Variants in TDRD1 observed in about 807,000 individuals in gnomAD.
TDRD1 encodes the protein tudor domain containing 1, also known as tudor domain-containing protein 1.
In TDRD1, 37 loss-of-function variants were observed where a neutral mutation model predicts 140.6. The observed-to-expected ratio is 0.26, with a 90% confidence interval of 0.20 to 0.35. TDRD1 has a LOEUF of 0.35. TDRD1 is among the 10% of genes least tolerant of loss of function. The pLI is 1.00. For missense variants in TDRD1, 1,243 were observed against 1,393.0 expected (o/e 0.89, Z 1.71); for synonymous variants, 506 against 475.7 (o/e 1.06, Z -0.83).
exon 9 of TDRD1, chr10:114,204,210 T>C (rs781647157): frequency 6.3e-7 from 1 of 1,584,008 alleles, no homozygotes; most frequent in South Asian, 1.2e-5. Context: ...ACTTGTTTCC[T>C]CCTTGTGTGA....
downstream of TDRD1, among the ~76,000 whole-genome samples, chr10:114,232,611 T>G (rs987606466): frequency 6.6e-6 from 1 of 151,742 alleles, no homozygotes; most frequent in Non-Finnish European, 1.5e-5. Flanking sequence ...ACTGATGTGC[T>G]TCTGTTAGAT....
intron 2 of TDRD1, among the ~76,000 whole-genome samples, chr10:114,189,438 T>A (rs1000222188): frequency 6.6e-6 from 1 of 152,192 alleles, no homozygotes; most frequent in African/African-American, 2.4e-5. Flanking sequence ...GTGAGCCCTT[T>A]ACTTCAAGGA....
intron 11 of TDRD1, among the ~76,000 whole-genome samples, chr10:114,206,628 T>A (rs960328071): frequency 1.4e-3 from 217 of 150,952 alleles, no homozygotes; most frequent in African/African-American, 5.0e-3. Flanking sequence ...TTTTTTTTTT[T>A]TTGAGATGGA....
chr10:114,214,990 C>T (rs1243748998), intron 16 of TDRD1, among the ~76,000 whole-genome samples: 1 of 152,152 alleles, frequency 6.6e-6, no homozygotes, highest in Non-Finnish European at 1.5e-5. Context: ...AATCCACCTG[C>T]CTCGGCCTCC....
At chr10:114,191,145 A>G in intron 3 of TDRD1, 126 bp downstream of exon 3, 1 of 1,080,890 alleles carries the variant, frequency 9.3e-7, no homozygotes. Flanking sequence ...TTTTATGTAC[A>G]TTTTTAAAAA....
In TDRD1 at chr10:114,182,690, C is replaced by A. The variant is rs374384323; in HGVS notation, c.-7+3274C>A. On this transcript the variant is annotated intron_variant, in intron 1 of 25. Transcript: ENST00000251864. ...AAAATAGTTTTTATCATACGAATAT[C>A]TTTTTTTTTTTTTTTGAGACAGTCT... Among the ~76,000 whole-genome samples the A allele has an allele frequency of 3.9e-4, 56 of 144,626 alleles. No homozygotes were observed. In the East Asian group the frequency reaches 0.011, roughly 29 times the overall value. 94.9% of individuals were successfully genotyped at this position (144,626 alleles called of 152,430 possible).
At chr10:114,188,888 A>C (rs978269129) in intron 2 of TDRD1, among the ~76,000 whole-genome samples, 10 of 152,072 alleles carry the variant, frequency 6.6e-5, no homozygotes, top group Admixed American at 6.5e-4. Context: ...AAAAAAAAAA[A>C]AAAAAAACCT....
rs1227320985 is a variant in TDRD1 at position 114,222,523 on chromosome 10, T to A, written c.2891-64T>A. On this transcript the variant is annotated intron_variant, in intron 20 of 25. Transcript: ENST00000251864. ...TGGATTGATTAGACTTGCCATTCTT[T>A]TGTATAGTGTTAATAGTAGCACTGG... 3 of 868,324 alleles carry A rather than the reference T, an allele frequency of 3.5e-6. No homozygotes were observed. The East Asian group carries it at 7.5e-5, about 22-fold the overall frequency. 53.8% of individuals were successfully genotyped at this position (868,324 alleles called of 1,614,324 possible). A position where few individuals can be genotyped will look rare whatever the true frequency, so the allele number is the denominator to read the frequency against.
intron 15 of TDRD1, 30 bp downstream of exon 15, chr10:114,213,618 G>T (rs762932001): frequency 6.3e-7 from 1 of 1,595,302 alleles, no homozygotes; most frequent in Non-Finnish European, 8.6e-7. Context: ...GATAATGCCT[G>T]TTCTGGAGTT....
intron 19 of TDRD1, among the ~76,000 whole-genome samples, 154 bp downstream of exon 19, chr10:114,220,997 GAACA>G (rs1251275099): frequency 6.6e-6 from 1 of 151,950 alleles, no homozygotes; most frequent in African/African-American, 2.4e-5. Context: ...TTAAATTATT[GAACA>G]AACATTCATT....
chr10:114,208,940 C>T (rs1341388161), intron 11 of TDRD1, among the ~76,000 whole-genome samples: 1 of 151,948 alleles, frequency 6.6e-6, no homozygotes, highest in Non-Finnish European at 1.5e-5. Context: ...CGCCACCATG[C>T]CCAGCTGATT....
At chr10:114,214,045 A>C in exon 16 of TDRD1, 1 of 1,613,556 alleles carries the variant, frequency 6.2e-7, no homozygotes, top group South Asian at 1.1e-5. Flanking sequence ...TGTTGACCAA[A>C]CAGTAGATGT....
chr10:114,197,261 A>G (rs1048977308), intron 3 of TDRD1, among the ~76,000 whole-genome samples: 1 of 151,960 alleles, frequency 6.6e-6, no homozygotes, highest in Admixed American at 6.6e-5. Flanking sequence ...TCATTTATTA[A>G]TTCATTTTCA....
At chr10:114,218,964 CAT>C (rs1017806572) in intron 18 of TDRD1, among the ~76,000 whole-genome samples, 16 of 152,228 alleles carry the variant, frequency 1.1e-4, no homozygotes, top group African/African-American at 3.9e-4. Context: ...GGCAAAATAA[CAT>C]AAATAGTCAA....
At chr10:114,184,835 A>G (rs543650536) in intron 1 of TDRD1, among the ~76,000 whole-genome samples, 1 of 152,098 alleles carries the variant, frequency 6.6e-6, no homozygotes, top group African/African-American at 2.4e-5. Context: ...TGGCTATTGC[A>G]GTCTGATTCT....
chr10:114,213,520 A>G, exon 15 of TDRD1: 1 of 1,613,942 alleles, frequency 6.2e-7, no homozygotes, highest in Non-Finnish European at 8.5e-7. Flanking sequence ...GTTCTCCTAG[A>G]TGCAGGCTTT....
intron 4 of TDRD1, among the ~76,000 whole-genome samples, chr10:114,200,046 T>C (rs1295134253): frequency 6.6e-6 from 1 of 152,240 alleles, no homozygotes; most frequent in Non-Finnish European, 1.5e-5. Flanking sequence ...TTTCAAGGTA[T>C]TGTCCCATTT....
chr10:114,206,791 T>C (rs1208854290), intron 11 of TDRD1, among the ~76,000 whole-genome samples: 1 of 152,040 alleles, frequency 6.6e-6, no homozygotes, highest in African/African-American at 2.4e-5. Context: ...TTTTTTGTAT[T>C]TTTAGTAGAG....
Position 114,221,573 on chromosome 10 carries a change from G to A in TDRD1, c.2890+97G>A, listed in dbSNP as rs999066083. 10 of 1,185,438 alleles carry A rather than the reference G, an allele frequency of 8.4e-6. No individual in the cohort carries two copies. The East Asian group carries it at 2.1e-4, about 25-fold the overall frequency. 73.4% of individuals were successfully genotyped at this position (1,185,438 alleles called of 1,614,324 possible). A position where few individuals can be genotyped will look rare whatever the true frequency, so the allele number is the denominator to read the frequency against. On this transcript the variant is annotated intron_variant, in intron 20 of 25. Transcript: ENST00000251864. ...TTCCTTTGGGAATGAAGGGGAGAAA[G>A]AGGCTCACTGTTTTAAGGAAGAACT...
Sources: gnomAD v4.1 joint callset for allele counts (sites outside exome capture counted in the v4.1 genomes callset) on GRCh38, gnomAD v4.1.1 for gene constraint, MANE v1.5 for transcripts, NCBI Gene and HGNC (gene_info 2026-07-23, HGNC 2026-07-21) for gene names.